DLC1: variants seen among roughly 807,000 people sequenced by gnomAD.
DLC1 encodes the protein DLC1 Rho GTPase activating protein.
In DLC1, 54 loss-of-function variants were observed where a neutral mutation model predicts 140.3. That is an observed-to-expected ratio of 0.38 (90% CI 0.31 to 0.48). DLC1 has a LOEUF of 0.48. Among genes scored for constraint, DLC1 ranks in the 20% least tolerant of loss-of-function variants. DLC1 has a pLI of 0.96. For missense variants in DLC1, 2,536 were observed against 1,907.0 expected (o/e 1.33, Z -6.14); for synonymous variants, 986 against 728.1 (o/e 1.35, Z -5.70).
chr8:13,439,954 G>A (rs1426122290), intron 2 of DLC1, among the ~76,000 whole-genome samples: 5 of 151,992 alleles, frequency 3.3e-5, no homozygotes, highest in African/African-American at 1.2e-4. Context: ...CATCTTCCCA[G>A]CAGAAGAATG....
chr8:13,250,611 T>A (rs1030806214), intron 5 of DLC1, among the ~76,000 whole-genome samples: 1 of 152,150 alleles, frequency 6.6e-6, no homozygotes, highest in East Asian at 1.9e-4. Flanking sequence ...TGAATAACGA[T>A]AAGGCTTTAA....
chr8:13,296,332 C>G (rs897851654), intron 5 of DLC1, among the ~76,000 whole-genome samples: 10 of 152,004 alleles, frequency 6.6e-5, no homozygotes, highest in African/African-American at 2.4e-4. Context: ...CATAAATTGT[C>G]TTTCTTCTGA....
intron 1 of DLC1, among the ~76,000 whole-genome samples, chr8:13,532,277 C>A (rs1280442720): frequency 6.6e-6 from 1 of 152,072 alleles, no homozygotes; most frequent in Non-Finnish European, 1.5e-5. Context: ...CTAAAAACAA[C>A]AACAACAACA....
At chr8:13,117,477 C>A (rs1329056352) in intron 5 of DLC1, among the ~76,000 whole-genome samples, 1 of 151,788 alleles carries the variant, frequency 6.6e-6, no homozygotes, top group Non-Finnish European at 1.5e-5. Flanking sequence ...GACTCTGTAA[C>A]CGCTAAAAAA....
intron 17 of DLC1, 70 bp from the exon 18 acceptor site, chr8:13,086,001 ATC>A: frequency 3.8e-6 from 6 of 1,585,894 alleles, no homozygotes; most frequent in Non-Finnish European, 5.1e-6. Flanking sequence ...AATGAGAAAC[ATC>A]TGTTTGCTAG....
chr8:13,567,515 G>C, intron 1 of DLC1: 2 of 1,551,976 alleles, frequency 1.3e-6, no homozygotes, highest in African/African-American at 1.4e-5. Context: ...CTTTTGAACA[G>C]AATCTACTTT....
At chr8:13,386,556 T>C (rs1222112513) in intron 4 of DLC1, among the ~76,000 whole-genome samples, 1 of 152,112 alleles carries the variant, frequency 6.6e-6, no homozygotes, top group Non-Finnish European at 1.5e-5. Flanking sequence ...TGTAAATGGA[T>C]TGGAAACAGA....
chr8:13,536,056 C>G (rs923116378), intron 1 of DLC1: 10 of 152,172 alleles, frequency 6.6e-5, no homozygotes, highest in African/African-American at 2.2e-4. Flanking sequence ...CCTGAACGTG[C>G]CAGATCTTGG....
intron 4 of DLC1, among the ~76,000 whole-genome samples, chr8:13,333,949 T>G (rs537305239): frequency 3.5e-4 from 53 of 152,302 alleles, no homozygotes; most frequent in Non-Finnish European, 6.5e-4. Context: ...GAACAGAATT[T>G]GAAAAGCCCC....
At chr8:13,159,593 G>T (rs1015916280) in intron 5 of DLC1, among the ~76,000 whole-genome samples, 1 of 152,022 alleles carries the variant, frequency 6.6e-6, no homozygotes, top group Non-Finnish European at 1.5e-5. Context: ...AACCCAGACT[G>T]GGGCTTTCCT....
chr8:13,098,957 G>A (rs1212281361), intron 9 of DLC1, among the ~76,000 whole-genome samples: 1 of 152,044 alleles, frequency 6.6e-6, no homozygotes, highest in Non-Finnish European at 1.5e-5. Context: ...GCAATGGGCT[G>A]CTTGCTGGCA....
In DLC1 at chr8:13,514,758, T is replaced by G. The variant is rs1446771142; in HGVS notation, c.-282A>C. 5.0e-6 allele frequency: 2 copies of G among 397,618 alleles called. No homozygotes were observed. The highest frequency in any genetic ancestry group is 4.1e-5 in the African/African-American group (2 of 48,602). 24.6% of individuals were successfully genotyped at this position (397,618 alleles called of 1,614,324 possible). A position where few individuals can be genotyped will look rare whatever the true frequency, so the allele number is the denominator to read the frequency against. On this transcript the variant is annotated 5_prime_UTR_variant, in exon 1 of 18. Coordinates refer to ENST00000276297, the MANE Select transcript of DLC1 (RefSeq NM_182643.3). Reference sequence around the variant, plus strand: ...AGCAGTTTCACGCAGTGTGTGAGTCTAACAAAAACACCCTCTGCAGCTGGA... The same window carrying G: ...AGCAGTTTCACGCAGTGTGTGAGTCGAACAAAAACACCCTCTGCAGCTGGA...
chr8:13,325,030 A>T (rs1442465028), intron 4 of DLC1, among the ~76,000 whole-genome samples: 1 of 152,220 alleles, frequency 6.6e-6, no homozygotes, highest in African/African-American at 2.4e-5. Context: ...AAAATTACAC[A>T]CTTTCTGAAA....
intron 2 of DLC1, among the ~76,000 whole-genome samples, chr8:13,434,897 C>G (rs951434720): frequency 6.6e-6 from 1 of 152,122 alleles, no homozygotes; most frequent in Non-Finnish European, 1.5e-5. Context: ...TTAGGTTGGT[C>G]TTGAACTCCT....
rs1189994392 is a variant in DLC1, at chr8:13,085,094, G to C, written c.*717C>G. On this transcript the variant is annotated 3_prime_UTR_variant, in exon 18 of 18. Transcript: ENST00000276297. Reference sequence around the variant, plus strand: ...TAAAAATAAACTGCATTTGGAATGGGTGTAAGAGCCAACCTATTACAATCA... The same window carrying C: ...TAAAAATAAACTGCATTTGGAATGGCTGTAAGAGCCAACCTATTACAATCA... 1 of 152,204 alleles carries C rather than the reference G, an allele frequency of 6.6e-6. No homozygotes were observed. Among genetic ancestry groups the C allele is most frequent in the Non-Finnish European group, 1.5e-5 (1 of 68,046 alleles). The allele number at this position is 152,204 out of a possible 1,614,324, so 9.4% of individuals were successfully genotyped here.
chr8:13,491,669 TCA>T (rs1801250931), intron 2 of DLC1, among the ~76,000 whole-genome samples: 1 of 152,162 alleles, frequency 6.6e-6, no homozygotes, highest in African/African-American at 2.4e-5. Flanking sequence ...AATAATGATC[TCA>T]GTCTTGAAGG....
intron 4 of DLC1, among the ~76,000 whole-genome samples, chr8:13,312,102 C>T (rs1257428393): frequency 7.7e-6 from 1 of 130,600 alleles, no homozygotes; most frequent in Non-Finnish European, 1.7e-5. Context: ...TGGCTCACGC[C>T]TGTAATCCCA....
intron 2 of DLC1, among the ~76,000 whole-genome samples, chr8:13,474,293 G>T (rs535390337): frequency 9.8e-5 from 15 of 152,302 alleles, no homozygotes; most frequent in African/African-American, 3.6e-4. Context: ...GTCTGTGGGT[G>T]TGCAGAAGTC....
At chr8:13,566,633 C>T (rs992679821) in intron 1 of DLC1, among the ~76,000 whole-genome samples, 9 of 152,216 alleles carry the variant, frequency 5.9e-5, no homozygotes, top group African/African-American at 2.2e-4. Flanking sequence ...ACACGTGTGC[C>T]ACCTGTCTGA....
Sources: allele counts gnomAD v4.1 joint callset (sites outside exome capture counted in the v4.1 genomes callset), GRCh38; gene constraint gnomAD v4.1.1; transcripts MANE v1.5; gene names NCBI Gene and HGNC (gene_info 2026-07-23, HGNC 2026-07-21).